Variants in MATR3 observed in about 807,000 individuals in gnomAD.
MATR3 encodes the protein matrin 3, also known as matrin-3.
MATR3 carries 4 observed loss-of-function variants against 85.5 expected under a neutral mutation model. The ratio of observed to expected loss-of-function variants is 0.05; its 90% confidence interval spans 0.02 to 0.11. The LOEUF is 0.11. MATR3 is among the 10% of genes least tolerant of loss of function. The pLI, the probability that MATR3 is intolerant of heterozygous loss-of-function variation, is 1.00. For missense variants in MATR3, 685 were observed against 1,016.1 expected (o/e 0.67, Z 4.43); for synonymous variants, 336 against 343.1 (o/e 0.98, Z 0.23).
intron 1 of MATR3, among the ~76,000 whole-genome samples, chr5:139,304,198 G>C (rs532868601): frequency 7.2e-5 from 11 of 152,110 alleles, no homozygotes; most frequent in Non-Finnish European, 1.6e-4. Context: ...GAATTTTTAA[G>C]CTAATTTGTT....
intron 12 of MATR3, chr5:139,325,200 A>G: frequency 2.0e-6 from 3 of 1,481,460 alleles, no homozygotes; most frequent in South Asian, 2.7e-5. Flanking sequence ...CTCAAAAAAA[A>G]AAAGGCAAAG....
upstream of MATR3, chr5:139,293,252 T>C (rs1753943388): frequency 6.6e-6 from 1 of 152,090 alleles, no homozygotes; most frequent in Non-Finnish European, 1.5e-5. Flanking sequence ...ACAGTTTATT[T>C]ATGATAAATA....
At chr5:139,303,331 AC>A (rs1561930592) in intron 1 of MATR3, among the ~76,000 whole-genome samples, 1 of 151,950 alleles carries the variant, frequency 6.6e-6, no homozygotes, top group Non-Finnish European at 1.5e-5. Context: ...TGATCTCTTG[AC>A]CTCGTGATCA....
At chr5:139,324,891 T>A (rs1176534302) in intron 12 of MATR3, among the ~76,000 whole-genome samples, 2 of 152,204 alleles carry the variant, frequency 1.3e-5, no homozygotes, top group East Asian at 3.9e-4. Context: ...TTTGAGCCAA[T>A]GAATAAAGAC....
At chr5:139,286,416 ATCC>A (rs765935357) in intron 3 of MATR3, among the ~76,000 whole-genome samples, 7 of 151,772 alleles carry the variant, frequency 4.6e-5, no homozygotes, top group Non-Finnish European at 8.8e-5. Context: ...CCCTCAAGTA[ATCC>A]TCCCACCTCG....
chr5:139,301,195 G>A (rs1434976342), intron 1 of MATR3, among the ~76,000 whole-genome samples: 4 of 152,162 alleles, frequency 2.6e-5, no homozygotes, highest in South Asian at 2.1e-4. Flanking sequence ...AGGTCACACA[G>A]CTGTTTGTAA....
intron 1 of MATR3, among the ~76,000 whole-genome samples, chr5:139,302,021 C>T (rs1417578122): frequency 6.6e-6 from 1 of 152,222 alleles, no homozygotes; most frequent in Admixed American, 6.5e-5. Context: ...GAACAGTGGT[C>T]TTAAAGCACT....
intron 1 of MATR3, among the ~76,000 whole-genome samples, chr5:139,296,032 C>G (rs1317988229): frequency 1.3e-5 from 2 of 152,120 alleles, no homozygotes; most frequent in African/African-American, 4.8e-5. Flanking sequence ...CAATATGGCC[C>G]AGGCTGGTGT....
At chr5:139,293,988 G>T in intron 1 of MATR3, 183 bp downstream of exon 1, 1 of 1,276,940 alleles carries the variant, frequency 7.8e-7, no homozygotes, top group Non-Finnish European at 9.9e-7. Context: ...GCCATGTTAG[G>T]AGCGCAGTGG....
At chr5:139,294,140 G>T in intron 1 of MATR3, 1 of 1,067,390 alleles carries the variant, frequency 9.4e-7, no homozygotes, top group Non-Finnish European at 1.2e-6. Flanking sequence ...TCCTGGGCTC[G>T]TTGTGGGCGG....
intron 9 of MATR3, 125 bp from the exon 10 acceptor site, chr5:139,321,773 A>T: frequency 1.1e-6 from 1 of 936,504 alleles, no homozygotes; most frequent in Non-Finnish European, 1.6e-6. Flanking sequence ...ACACAGTGAG[A>T]CCCTGTCTCA....
intron 8 of MATR3, 26 bp from the exon 9 acceptor site, chr5:139,319,308 C>A (rs1561940320): frequency 6.2e-7 from 1 of 1,603,276 alleles, no homozygotes; most frequent in South Asian, 1.1e-5. Flanking sequence ...GCACATTTGT[C>A]CTTTTGTTGT....
chr5:139,280,500 T>C (rs1281481595), intron 3 of MATR3: 1 of 152,240 alleles, frequency 6.6e-6, no homozygotes, highest in Non-Finnish European at 1.5e-5. Flanking sequence ...AATTAACCAG[T>C]AGTAAAAATA....
intron 1 of MATR3, among the ~76,000 whole-genome samples, chr5:139,306,518 G>T (rs1561932421): frequency 6.6e-6 from 1 of 152,106 alleles, no homozygotes; most frequent in Non-Finnish European, 1.5e-5. Context: ...GTACTGACCA[G>T]AGTTAGTTCT....
chr5:139,315,569 C>G, intron 3 of MATR3, 128 bp from the exon 4 acceptor site: 1 of 646,028 alleles, frequency 1.5e-6, no homozygotes, highest in Non-Finnish European at 2.8e-6. Flanking sequence ...TGCTTTAAAA[C>G]TATGTTTCTA....
chr5:139,327,038 A>G (rs997264706), intron 14 of MATR3, among the ~76,000 whole-genome samples: 3 of 152,222 alleles, frequency 2.0e-5, no homozygotes, highest in Non-Finnish European at 2.9e-5. Context: ...ATAAACCACA[A>G]CATCACTAAA....
At chr5:139,319,191 C>A in intron 8 of MATR3, 143 bp from the exon 9 acceptor site, 1 of 1,235,930 alleles carries the variant, frequency 8.1e-7, no homozygotes, top group Non-Finnish European at 1.2e-6. Context: ...TTATGTGAGG[C>A]CCAGGAGTTC....
chr5:139,308,449 A>G, intron 2 of MATR3, 122 bp downstream of exon 2: 1 of 1,166,896 alleles, frequency 8.6e-7, no homozygotes, highest in Non-Finnish European at 1.3e-6. Context: ...TAAACTTTTG[A>G]GAACACTTAC....
At chr5:139,318,811 T>G in intron 7 of MATR3, 97 bp from the exon 8 acceptor site, 1 of 1,085,684 alleles carries the variant, frequency 9.2e-7, no homozygotes, top group Non-Finnish European at 1.4e-6. Context: ...TCTGAAAAGA[T>G]TTGGGGCATT....
Sources: allele counts gnomAD v4.1 joint callset (sites outside exome capture counted in the v4.1 genomes callset), GRCh38; gene constraint gnomAD v4.1.1; transcripts MANE v1.5; gene names NCBI Gene and HGNC (gene_info 2026-07-23, HGNC 2026-07-21).